Variants in ALKAL1 observed in about 807,000 individuals in gnomAD.
The protein encoded by ALKAL1 is AUG-beta.
In ALKAL1, 23 loss-of-function variants were observed where a neutral mutation model predicts 13.5. That is an observed-to-expected ratio of 1.70 (90% CI 1.23 to 2.41). The LOEUF (loss-of-function observed/expected upper bound fraction) is 2.41, where lower values mean the gene tolerates loss of function less well. Ranked by LOEUF, ALKAL1 falls within the 30% of genes most tolerant of loss-of-function variation. The pLI, the probability that ALKAL1 is intolerant of heterozygous loss-of-function variation, is 0.00. For missense variants in ALKAL1, 181 were observed against 178.4 expected (o/e 1.01, Z -0.08); for synonymous variants, 85 against 77.7 (o/e 1.09, Z -0.49).
chr8:52,547,312 A>G (rs1847379994), intron 1 of ALKAL1, among the ~76,000 whole-genome samples: 1 of 152,068 alleles, frequency 6.6e-6, no homozygotes, highest in Non-Finnish European at 1.5e-5. Flanking sequence ...AGCCTGACCA[A>G]CATGGCGAAA....
intron 1 of ALKAL1, among the ~76,000 whole-genome samples, chr8:52,555,890 A>G (rs1467787927): frequency 1.3e-5 from 2 of 152,150 alleles, no homozygotes; most frequent in Non-Finnish European, 2.9e-5. Context: ...CGTGAAGACA[A>G]ACTTCTTCCT....
rs1590868511 is a variant in ALKAL1 at position 52,551,897 on chromosome 8, T to C, written c.191-9452A>G. Among the ~76,000 whole-genome samples, 7 of 152,184 alleles carry C rather than the reference T, an allele frequency of 4.6e-5. No homozygotes were observed. In the South Asian group the frequency reaches 1.4e-3, roughly 32 times the overall value. On this transcript the variant is annotated intron_variant, in intron 1 of 4. Transcript: ENST00000358543. ...TTAGATGCACAGAAAAATTACATAA[T>C]ACAAAGCATTCCCATATGCCCTGCC... is the stretch of plus-strand genomic sequence containing the variant.
intron 1 of ALKAL1, among the ~76,000 whole-genome samples, chr8:52,551,170 G>A (rs2150346214): frequency 6.6e-6 from 1 of 152,262 alleles, no homozygotes; most frequent in South Asian, 2.1e-4. Flanking sequence ...ATTCTGTAAT[G>A]TGAGGTTTTA....
At chr8:52,546,256 A>G (rs1169144379) in intron 1 of ALKAL1, among the ~76,000 whole-genome samples, 12 of 152,186 alleles carry the variant, frequency 7.9e-5, no homozygotes, top group Non-Finnish European at 1.8e-4. Flanking sequence ...TTGTGAATAA[A>G]GCTCTGCTGC....
At chr8:52,545,922 C>T (rs1191889354) in intron 1 of ALKAL1, among the ~76,000 whole-genome samples, 2 of 152,184 alleles carry the variant, frequency 1.3e-5, no homozygotes, top group Admixed American at 6.5e-5. Context: ...AGTGCATTTA[C>T]ATAAACCTTG....
intron 1 of ALKAL1, among the ~76,000 whole-genome samples, chr8:52,560,325 A>C (rs933513203): frequency 5.9e-5 from 9 of 152,200 alleles, no homozygotes; most frequent in Non-Finnish European, 1.2e-4. Context: ...TAGATATATA[A>C]ATGGAGTTAT....
chr8:52,549,590 T>C (rs957042256), intron 1 of ALKAL1, among the ~76,000 whole-genome samples: 2 of 152,082 alleles, frequency 1.3e-5, no homozygotes, highest in African/African-American at 4.8e-5. Flanking sequence ...GACTCTAGTA[T>C]GACCTTTTAA....
intron 1 of ALKAL1, among the ~76,000 whole-genome samples, chr8:52,561,594 A>C (rs2150348446): frequency 6.6e-6 from 1 of 152,284 alleles, no homozygotes; most frequent in East Asian, 1.9e-4. Flanking sequence ...AAAGGACTTG[A>C]ATATCTGCCT....
chr8:52,538,485 C>A lies in ALKAL1; in HGVS notation c.348G>T (p.Leu116Phe). The A allele has an allele frequency of 6.2e-7, 1 of 1,609,746 alleles. No homozygotes were observed. The highest frequency in any genetic ancestry group is 8.5e-7 in the Non-Finnish European group (1 of 1,176,752). ...TPAYYKRCARLLTRLAVSPLC... is the reference protein window; with the variant it reads ...TPAYYKRCARFLTRLAVSPLC... The stretch of plus-strand genomic sequence containing the variant: ...GTGGACTCACTGCTAATCTTGTTAA[C>A]AATCTAGCACATCTTTTGTAATCTA... The change falls in exon 4 of 5, where the codon TTG becomes TTT. Residue 116 changes from leucine (L) to phenylalanine (F), a missense_variant. Coordinates refer to ENST00000358543, the MANE Select transcript of ALKAL1 (RefSeq NM_207413.4).
chr8:52,544,501 A>G (rs1847346620), intron 1 of ALKAL1, among the ~76,000 whole-genome samples: 1 of 152,176 alleles, frequency 6.6e-6, no homozygotes, highest in African/African-American at 2.4e-5. Context: ...GTTAAGTCGT[A>G]CACAAACTTT....
intron 1 of ALKAL1, among the ~76,000 whole-genome samples, chr8:52,555,146 G>T (rs1252517031): frequency 6.6e-6 from 1 of 151,156 alleles, no homozygotes; most frequent in Non-Finnish European, 1.5e-5. Flanking sequence ...ACTCCAGCCT[G>T]GGTGACAGAG....
At chr8:52,540,023 C>A in intron 2 of ALKAL1, 112 bp from the exon 3 acceptor site, 1 of 785,916 alleles carries the variant, frequency 1.3e-6, no homozygotes, top group Non-Finnish European at 2.0e-6. Flanking sequence ...CCTTCCATAC[C>A]CTTAAAAGAA....
At chr8:52,538,029 G>A (rs1245934449) in intron 4 of ALKAL1, among the ~76,000 whole-genome samples, 1 of 151,656 alleles carries the variant, frequency 6.6e-6, no homozygotes, top group Non-Finnish European at 1.5e-5. Flanking sequence ...CTGGAAGGCG[G>A]AGATTGCAGA....
chr8:52,561,362 T>C (rs1847549112), intron 1 of ALKAL1, among the ~76,000 whole-genome samples: 2 of 152,118 alleles, frequency 1.3e-5, no homozygotes, highest in African/African-American at 2.4e-5. Context: ...TCTGAACGCA[T>C]AAATAACCGA....
intron 4 of ALKAL1, among the ~76,000 whole-genome samples, chr8:52,536,695 A>G (rs951771258): frequency 6.8e-5 from 10 of 147,564 alleles, no homozygotes; most frequent in African/African-American, 2.5e-4. Context: ...TTTCTTTTTT[A>G]TTATCTATTT....
chr8:52,550,071 A>C (rs1847414892), intron 1 of ALKAL1, among the ~76,000 whole-genome samples: 2 of 152,354 alleles, frequency 1.3e-5, no homozygotes, highest in South Asian at 2.1e-4. Context: ...TAAGTGTATA[A>C]ATATTTGTAA....
chr8:52,543,825 C>A (rs867634051), intron 1 of ALKAL1, among the ~76,000 whole-genome samples: 3 of 152,172 alleles, frequency 2.0e-5, no homozygotes, highest in Admixed American at 6.5e-5. Flanking sequence ...GAAGCACCTA[C>A]TGTGGTTAAG....
At chr8:52,544,333 T>C (rs1241077809) in intron 1 of ALKAL1, among the ~76,000 whole-genome samples, 1 of 151,868 alleles carries the variant, frequency 6.6e-6, no homozygotes, top group East Asian at 1.9e-4. Context: ...AGAAAAGTGG[T>C]GTTTAAGTTG....
intron 3 of ALKAL1, 115 bp downstream of exon 3, chr8:52,539,716 A>T: frequency 1.3e-6 from 1 of 747,498 alleles, no homozygotes; most frequent in East Asian, 2.6e-5. Context: ...CAGTGTTATA[A>T]ATAGAATCTC....
Sources: gnomAD v4.1 joint callset for allele counts (sites outside exome capture counted in the v4.1 genomes callset) on GRCh38, gnomAD v4.1.1 for gene constraint, MANE v1.5 for transcripts, NCBI Gene and HGNC (gene_info 2026-07-23, HGNC 2026-07-21) for gene names.